The following TTC23 variants were observed in gnomAD, a reference collection of about 807,000 sequenced individuals.
TTC23 encodes tetratricopeptide repeat domain 23.
TTC23 carries 58 observed loss-of-function variants against 55.1 expected under a neutral mutation model. The ratio of observed to expected loss-of-function variants is 1.05; its 90% CI spans 0.85 to 1.31. The LOEUF (loss-of-function observed/expected upper bound fraction) is 1.31. Among genes scored for constraint, TTC23 ranks in the 50% most tolerant of loss-of-function variants. TTC23 has a pLI of 0.00. For synonymous variants in TTC23, 203 were observed against 199.9 expected (o/e 1.02, Z -0.13); for missense variants, 516 against 534.4 (o/e 0.97, Z 0.34).
At chr15:99,247,670 T>G (rs1009386454) in intron 1 of TTC23, among the ~76,000 whole-genome samples, 1 of 152,162 alleles carries the variant, frequency 6.6e-6, no homozygotes, top group Non-Finnish European at 1.5e-5. Flanking sequence ...GACAGAAAGT[T>G]TTTTAGTGAT....
intron 10 of TTC23, among the ~76,000 whole-genome samples, chr15:99,167,290 C>A (rs1454267763): frequency 1.3e-5 from 2 of 152,218 alleles, no homozygotes; most frequent in African/African-American, 4.8e-5. Context: ...AGTTTCAGCA[C>A]TCTCACACAA....
rs757964538 is a variant in TTC23, at chr15:99,161,787, T to C, written c.946A>G (p.Ile316Val). 6.8e-6 allele frequency: 11 copies of C among 1,613,538 alleles called. No individual in the cohort carries two copies. The East Asian group carries it at 2.2e-4, about 33-fold the overall frequency. ...EGMGRTKFLS[I>V]QDEFCHFLQM... is the part of the protein sequence containing the mutation. ...AGAAAATGGCAAAATTCATCTTGAA[T>C]TGAAAGAAATTTGGTTCTTCCCATC... The change falls in exon 11 of 14, where the codon ATT (isoleucine) becomes GTT (valine). Residue 316 changes from isoleucine to valine, a missense_variant. By Grantham distance (29) the Ile-to-Val change is conservative (BLOSUM62 3). Coordinates refer to ENST00000394132, the MANE Select transcript of TTC23 (RefSeq NM_001288615.3).
At chr15:99,215,140 G>A (rs901888889) in intron 8 of TTC23, among the ~76,000 whole-genome samples, 1 of 150,516 alleles carries the variant, frequency 6.6e-6, no homozygotes, top group African/African-American at 2.4e-5. Context: ...ACAGGCATGA[G>A]CCACCGTGCC....
chr15:99,219,726 T>C (rs1198566227), intron 6 of TTC23, among the ~76,000 whole-genome samples: 2 of 152,150 alleles, frequency 1.3e-5, no homozygotes, highest in African/African-American at 4.8e-5. Flanking sequence ...CTGAGATCGC[T>C]AGCACGGCTT....
At chr15:99,209,570 C>A (rs1341607231) in intron 8 of TTC23, among the ~76,000 whole-genome samples, 1 of 152,102 alleles carries the variant, frequency 6.6e-6, no homozygotes, top group Non-Finnish European at 1.5e-5. Context: ...GAAGTGACCT[C>A]ACTTCTCTCA....
intron 12 of TTC23, among the ~76,000 whole-genome samples, chr15:99,149,279 A>G (rs111721443): frequency 0.012 from 1,846 of 152,364 alleles, 18 homozygotes; most frequent in Non-Finnish European, 0.021. Flanking sequence ...CACGCACCAC[A>G]GTGCACAACC....
intron 12 of TTC23, among the ~76,000 whole-genome samples, chr15:99,153,284 C>T (rs1166498764): frequency 3.9e-5 from 6 of 152,210 alleles, no homozygotes; most frequent in African/African-American, 7.2e-5. Context: ...AGACAAGGTT[C>T]ATATTTGTCT....
At chr15:99,207,391 C>A (rs2076708765) in intron 8 of TTC23, among the ~76,000 whole-genome samples, 1 of 152,074 alleles carries the variant, frequency 6.6e-6, no homozygotes, top group Non-Finnish European at 1.5e-5. Flanking sequence ...AGATAATTCA[C>A]AGAACAAGAA....
At chr15:99,164,371 T>G (rs554166895) in intron 10 of TTC23, among the ~76,000 whole-genome samples, 74 of 152,150 alleles carry the variant, frequency 4.9e-4, no homozygotes, top group Non-Finnish European at 8.2e-4. Flanking sequence ...CCCATGTGCA[T>G]AAGTTTGCTG....
intron 8 of TTC23, among the ~76,000 whole-genome samples, chr15:99,209,587 G>C (rs542119550): frequency 1.3e-5 from 2 of 152,146 alleles, no homozygotes; most frequent in Non-Finnish European, 2.9e-5. Context: ...CTCAGCTTTA[G>C]ATGCTACATT....
At chr15:99,223,788 C>T (rs2078151697) in intron 5 of TTC23, among the ~76,000 whole-genome samples, 2 of 152,194 alleles carry the variant, frequency 1.3e-5, no homozygotes, top group South Asian at 4.1e-4. Flanking sequence ...CCCCACTGAG[C>T]TCTGCAAAAA....
At chr15:99,221,336 T>A (rs1188867784) in intron 6 of TTC23, among the ~76,000 whole-genome samples, 1 of 152,200 alleles carries the variant, frequency 6.6e-6, no homozygotes, top group Non-Finnish European at 1.5e-5. Context: ...TTTATGCCAA[T>A]TTGGGTTAGT....
intron 1 of TTC23, among the ~76,000 whole-genome samples, chr15:99,246,614 C>CA (rs961175044): frequency 5.7e-4 from 77 of 134,372 alleles, no homozygotes; most frequent in South Asian, 9.5e-4. Context: ...CACTCCGTGT[C>CA]AAAAAAAAAA....
chr15:99,174,660 G>C (rs2073335443), intron 10 of TTC23, among the ~76,000 whole-genome samples: 1 of 152,212 alleles, frequency 6.6e-6, no homozygotes, highest in Non-Finnish European at 1.5e-5. Context: ...CTGATGGAAA[G>C]TTCAGCCCTG....
At chr15:99,200,341 G>C (rs2076098796) in intron 8 of TTC23, among the ~76,000 whole-genome samples, 1 of 152,176 alleles carries the variant, frequency 6.6e-6, no homozygotes, top group Non-Finnish European at 1.5e-5. Context: ...CAGTCACTCA[G>C]TTTCCTCATT....
intron 11 of TTC23, among the ~76,000 whole-genome samples, chr15:99,156,627 T>C (rs2070617212): frequency 6.6e-6 from 1 of 152,210 alleles, no homozygotes; most frequent in Admixed American, 6.5e-5. Flanking sequence ...CATCAGATCT[T>C]GTGAGAATTC....
intron 9 of TTC23, among the ~76,000 whole-genome samples, chr15:99,177,764 T>C (rs2073730344): frequency 6.6e-6 from 1 of 152,264 alleles, no homozygotes; most frequent in South Asian, 2.1e-4. Context: ...TGTTAATAGA[T>C]ATGTGTCTAA....
intron 3 of TTC23, among the ~76,000 whole-genome samples, chr15:99,239,300 C>A (rs1184706083): frequency 1.3e-5 from 2 of 152,130 alleles, no homozygotes; most frequent in Admixed American, 6.5e-5. Flanking sequence ...CCCTGGCCAA[C>A]ACAGTGAAAA....
intron 4 of TTC23, among the ~76,000 whole-genome samples, chr15:99,233,380 T>A (rs1369377633): frequency 1.3e-5 from 2 of 152,154 alleles, no homozygotes; most frequent in African/African-American, 4.8e-5. Flanking sequence ...ACTAAAAGGT[T>A]AATGAGAATA....
Sources: gnomAD v4.1 joint callset for allele counts (sites outside exome capture counted in the v4.1 genomes callset) on GRCh38, gnomAD v4.1.1 for gene constraint, MANE v1.5 for transcripts, NCBI Gene and HGNC (gene_info 2026-07-23, HGNC 2026-07-21) for gene names.